The following BAIAP3 variants were observed in gnomAD, a reference collection of about 807,000 sequenced individuals.
The protein encoded by BAIAP3 is BAI1-associated protein 3.
A neutral mutation model predicts 149.7 loss-of-function variants in BAIAP3; 180 were observed. That is an observed-to-expected ratio of 1.20 (90% CI 1.07 to 1.36). BAIAP3 has a LOEUF of 1.36. Ranked by LOEUF, BAIAP3 falls within the 40% of genes most tolerant of loss-of-function variation. BAIAP3 has a pLI of 0.00. For missense variants in BAIAP3, 1,767 were observed against 1,563.4 expected, an observed-to-expected ratio of 1.13 and a Z score of -2.20; for synonymous variants, 845 against 670.7, an observed-to-expected ratio of 1.26 and a Z score of -4.02.
At chr16:1,339,133 T>C (rs1317137711) in intron 3 of BAIAP3, 31 bp from the exon 4 acceptor site, 1 of 1,568,834 alleles carries the variant, frequency 6.4e-7, no homozygotes, top group African/African-American at 1.4e-5. Flanking sequence ...CTCCCTGCCG[T>C]CAGAGCCCTC....
chr16:1,337,018 AGGTGGCCTGGCT>A (rs2033499449), intron 1 of BAIAP3, among the ~76,000 whole-genome samples: 1 of 152,088 alleles, frequency 6.6e-6, no homozygotes, highest in Admixed American at 6.5e-5. Context: ...GGTGGGGCAG[AGGTGGCCTGGCT>A]CTGGGACAGT....
At position 1,347,991 on chromosome 16, in the gene BAIAP3, C is replaced by T; in HGVS notation, c.3123C>T (p.His1041=). 7 of 1,610,786 alleles carry T rather than the reference C, an allele frequency of 4.3e-6. No individual in the cohort carries two copies. Among genetic ancestry groups the T allele is most frequent in the Non-Finnish European group, 5.9e-6 (7 of 1,179,948 alleles). The stretch of plus-strand genomic sequence containing the variant: ...CCCAGGTGAAGACCCGGACGCTGCA[C>T]CCTGTATACGACGAACTCTTCTACT... ...QRTQVKTRTL[H]PVYDELFYFS... The change falls in exon 32 of 34, where the codon CAC becomes CAT. Residue 1041 remains histidine, a synonymous_variant. Coordinates refer to ENST00000426824, the MANE Select transcript of BAIAP3 (RefSeq NM_001199097.2).
At position 1,348,282 on chromosome 16, in the gene BAIAP3, GTGCC is replaced by G; in HGVS notation, c.3337_3340del (p.Cys1113GlyfsTer6). On this transcript the variant is annotated frameshift_variant, in exon 33 of 34. Transcript: ENST00000426824. LOFTEE classifies it high-confidence loss of function. ...CTGGGCAGCCTGTCACCCTGCACCTGTGCCGGCCCAGAGCCCAGGGTGAGTGAGC... is the reference window on the plus strand; with the variant it reads ...CTGGGCAGCCTGTCACCCTGCACCTGGGCCCAGAGCCCAGGGTGAGTGAGC... 1 of 1,600,352 alleles carries G rather than the reference GTGCC, an allele frequency of 6.2e-7. No individual in the cohort carries two copies. The highest frequency in any genetic ancestry group is 1.1e-5 in the South Asian group (1 of 90,048).
chr16:1,334,392 C>T (rs2033322884), intron 1 of BAIAP3: 6 of 517,290 alleles, frequency 1.2e-5, no homozygotes, highest in South Asian at 1.1e-4. Context: ...GGAGAGACCC[C>T]CATAGAACTG....
In BAIAP3 at chr16:1,346,081, G is replaced by C; in HGVS notation, c.2301+3G>C. On this transcript the variant is annotated splice_donor_region_variant and intron_variant, in intron 24 of 33. Transcript: ENST00000426824. ...CCGGTGAAGCAGTGAGCGAGGCGGT[G>C]AGTGACCAGCTGGGGAGGGGAGCCG... The C allele has an allele frequency of 6.2e-7, 1 of 1,609,966 alleles. No individual in the cohort carries two copies. The highest frequency in any genetic ancestry group is 8.5e-7 in the Non-Finnish European group (1 of 1,178,974).
Position 1,347,684 on chromosome 16 carries a change from C to A in BAIAP3, c.2905-17C>A. 1 of 1,611,620 alleles carries A rather than the reference C, an allele frequency of 6.2e-7. No individual in the cohort carries two copies. The highest frequency in any genetic ancestry group is 1.1e-5 in the South Asian group (1 of 91,038). ...GAGGCTCCCAGAGCCCAGCTGCGCT[C>A]ACCCGCCTTTCCGCAGAGGACCCTG... is the stretch of plus-strand genomic sequence containing the variant. On this transcript the variant is annotated splice_polypyrimidine_tract_variant and intron_variant, in intron 30 of 33. Coordinates refer to ENST00000426824, the MANE Select transcript of BAIAP3 (RefSeq NM_001199097.2).
rs779116674 is a variant in BAIAP3 at position 1,338,974 on chromosome 16, C to T, written c.204C>T (p.Gly68=). ...LMLKKGEGRQ[G]LPCLEVPLRS... ...TGAAGAAGGGGGAAGGCAGACAGGG[C>T]TTGCCGTGCCTCGAGGTAAGGGTGC... The change falls in exon 3 of 34, where the codon GGC becomes GGT. Residue 68 remains glycine, a synonymous_variant. Transcript: ENST00000426824. 8.1e-6 allele frequency: 13 copies of T among 1,612,786 alleles called. No individual in the cohort carries two copies. The highest frequency in any genetic ancestry group is 6.7e-5 in the Admixed American group (4 of 59,992).
At chr16:1,335,923 C>T (rs1221313089) in intron 1 of BAIAP3, among the ~76,000 whole-genome samples, 1 of 152,186 alleles carries the variant, frequency 6.6e-6, no homozygotes, top group Non-Finnish European at 1.5e-5. Flanking sequence ...CTCCGTTTGC[C>T]CATCTGAGAT....
chr16:1,338,778 G>T, intron 2 of BAIAP3, 98 bp downstream of exon 2: 1 of 1,577,014 alleles, frequency 6.3e-7, no homozygotes, highest in Non-Finnish European at 8.6e-7. Context: ...GGGCGGGAAG[G>T]AGGGTCTGCA....
rs972212338 is a variant in BAIAP3, at chr16:1,339,454, G to A, written c.301-42G>A. On this transcript the variant is annotated intron_variant, in intron 4 of 33. Coordinates refer to ENST00000426824, the MANE Select transcript of BAIAP3 (RefSeq NM_001199097.2). ...CAGGAGGTGCTGCTGAGGGCTGGGGGCCTGGGACGCGGCACTGTGGCCGCC... is the reference window on the plus strand; with the variant it reads ...CAGGAGGTGCTGCTGAGGGCTGGGGACCTGGGACGCGGCACTGTGGCCGCC... 6.4e-6 allele frequency: 10 copies of A among 1,570,136 alleles called. No homozygotes were observed. The African/African-American group carries it at 8.1e-5, about 13-fold the overall frequency.
chr16:1,343,220 C>G (rs2034055564), intron 14 of BAIAP3, 173 bp from the exon 15 acceptor site: 2 of 1,157,544 alleles, frequency 1.7e-6, no homozygotes, highest in Admixed American at 4.6e-5. Context: ...AGGGGCGGTG[C>G]CATGAGTAGG....
At chr16:1,345,543 C>T in intron 22 of BAIAP3, 171 bp downstream of exon 22, 2 of 579,726 alleles carry the variant, frequency 3.4e-6, no homozygotes, top group Non-Finnish European at 4.9e-6. Flanking sequence ...TCCCCAGCAA[C>T]CCCAGCCTCC....
At chr16:1,340,056 C>T (rs1304649380) in intron 5 of BAIAP3, among the ~76,000 whole-genome samples, 4 of 148,082 alleles carry the variant, frequency 2.7e-5, no homozygotes, top group African/African-American at 1.0e-4. Context: ...TGTAGGTGCA[C>T]ACAGACACGC....
Position 1,348,242 on chromosome 16 carries a change from G to T in BAIAP3, c.3296G>T (p.Gly1099Val), listed in dbSNP as rs761129319. 6.9e-6 allele frequency: 11 copies of T among 1,605,458 alleles called. No homozygotes were observed. Among genetic ancestry groups the T allele is most frequent in the Non-Finnish European group, 9.3e-6 (11 of 1,178,118 alleles). Residue 1099 changes from glycine to valine, a missense_variant, in exon 33 of 34, where the codon GGC becomes GTC. Physicochemically the swap from Gly to Val is moderately radical, Grantham distance 109 (BLOSUM62 -3). Transcript: ENST00000426824. ...GVTGVARPQVGGGARAGQPVT... is the reference protein window; with the variant it reads ...GVTGVARPQVVGGARAGQPVT... Reference sequence around the variant, plus strand: ...ACTGGTGTCGCCCGGCCCCAGGTGGGCGGGGGTGCAAGGGCTGGGCAGCCT... The same window carrying T: ...ACTGGTGTCGCCCGGCCCCAGGTGGTCGGGGGTGCAAGGGCTGGGCAGCCT...
intron 1 of BAIAP3, chr16:1,334,746 TGGA>T: frequency 6.4e-7 from 1 of 1,551,876 alleles, no homozygotes; most frequent in Non-Finnish European, 8.7e-7. Context: ...AGGGGCCATC[TGGA>T]GGAGTCGGTG....
rs2034271426 is a variant in BAIAP3, at chr16:1,345,520, CGCAACCCCAGCCTCCCCA to C, written c.2064+182_2065-176del. Reference sequence around the variant, plus strand: ...CAACCCCAGCCTCCCCGGCCTCCTCCGCAACCCCAGCCTCCCCAGCAACCCCAGCCTCCCCAGCAACCC... The same window carrying C: ...CAACCCCAGCCTCCCCGGCCTCCTCCGCAACCCCAGCCTCCCCAGCAACCC... On this transcript the variant is annotated intron_variant, in intron 22 of 33. Transcript: ENST00000426824. The C allele has an allele frequency of 6.4e-5, 28 of 435,508 alleles. No homozygotes were observed. In the Admixed American group the frequency reaches 1.2e-3, roughly 19 times the overall value. 27.0% of individuals were successfully genotyped at this position (435,508 alleles called of 1,614,324 possible). A position where few individuals can be genotyped will look rare whatever the true frequency, so the allele number is the denominator to read the frequency against.
At chr16:1,343,114 G>A (rs2034042461) in intron 14 of BAIAP3, 98 bp downstream of exon 14, 4 of 1,232,848 alleles carry the variant, frequency 3.2e-6, no homozygotes, top group East Asian at 2.5e-5. Flanking sequence ...TGGCTGGGAG[G>A]GTGGGGCAGG....
rs775509338 is a variant in BAIAP3 at position 1,338,652 on chromosome 16, G to C, written c.103G>C (p.Asp35His). 50 of 1,589,838 alleles carry C rather than the reference G, an allele frequency of 3.1e-5. No individual in the cohort carries two copies. Among genetic ancestry groups the C allele is most frequent in the Non-Finnish European group, 4.1e-5 (48 of 1,169,988 alleles). Residue 35 changes from aspartate (D) to histidine (H), a missense_variant, in exon 2 of 34, where the codon GAC becomes CAC. By Grantham distance (81) the Asp-to-His change is moderately conservative. Transcript: ENST00000426824. ...TEQDPGSASADPQEPATGAWK... is the reference protein window; with the variant it reads ...TEQDPGSASAHPQEPATGAWK... ...GCAGGACCCAGGGAGTGCCAGCGCC[G>C]ACCCGCAGGAGCCTGCCACGGGGGC...
Position 1,347,778 on chromosome 16 carries a change from G to T in BAIAP3, c.2982G>T (p.Val994=). Residue 994 remains valine, a synonymous_variant, in exon 31 of 34, where the codon GTG becomes GTT. Coordinates refer to ENST00000426824, the MANE Select transcript of BAIAP3 (RefSeq NM_001199097.2). ...AGGCGGCTGAGCAGCGGCTGGCCGTGGAGGTGCTGCACGCCGCGGACCTGC... is the reference window on the plus strand; with the variant it reads ...AGGCGGCTGAGCAGCGGCTGGCCGTTGAGGTGCTGCACGCCGCGGACCTGC... ...HYEAAEQRLA[V]EVLHAADLLP... The T allele has an allele frequency of 1.9e-6, 3 of 1,609,450 alleles. No homozygotes were observed. Among genetic ancestry groups the T allele is most frequent in the Non-Finnish European group, 2.5e-6 (3 of 1,177,514 alleles).
Sources: gnomAD v4.1 joint callset for allele counts (sites outside exome capture counted in the v4.1 genomes callset) on GRCh38, gnomAD v4.1.1 for gene constraint, MANE v1.5 for transcripts, NCBI Gene and HGNC (gene_info 2026-07-23, HGNC 2026-07-21) for gene names.